CLVS1: variants seen among roughly 807,000 people sequenced by gnomAD.
CLVS1 encodes the protein clavesin-1.
A neutral mutation model predicts 33.1 loss-of-function variants in CLVS1; 10 were observed. The ratio of observed to expected loss-of-function variants is 0.30; its 90% CI spans 0.19 to 0.51. The LOEUF is 0.51. CLVS1 is among the 20% of genes least tolerant of loss of function. The pLI, the probability that CLVS1 is intolerant of heterozygous loss-of-function variation, is 0.97. For synonymous variants in CLVS1, 163 were observed against 166.1 expected, an observed-to-expected ratio of 0.98 and a Z score of 0.14; for missense variants, 343 against 433.4, an observed-to-expected ratio of 0.79 and a Z score of 1.85.
rs1031827071 is a variant in CLVS1, at chr8:61,144,949, T to A, written c.-152+13089T>A. Among the ~76,000 whole-genome samples the A allele has an allele frequency of 3.3e-5, 5 of 152,364 alleles. No homozygotes were observed. In the East Asian group the frequency reaches 5.8e-4, roughly 18 times the overall value. ...TTTCACCATGTTGGTCAGGCAGGTC[T>A]CGAACTCCTGACCTCAGGTGATCCA... On this transcript the variant is annotated intron_variant, in intron 2 of 2. Coordinates refer to the CLVS1 transcript ENST00000522621.
chr8:61,029,040 A>G, the CLVS1 span, among the ~76,000 whole-genome samples: 1 of 152,230 alleles, frequency 6.6e-6, no homozygotes, highest in Admixed American at 6.5e-5. Context: ...TGACTAGGAG[A>G]CAACAATAAA....
chr8:61,230,659 C>T (rs539569628), intron 2 of CLVS1, among the ~76,000 whole-genome samples: 1 of 152,318 alleles, frequency 6.6e-6, no homozygotes, highest in Non-Finnish European at 1.5e-5. Flanking sequence ...TTCCCCCTTT[C>T]CTGCTCATCA....
intron 2 of CLVS1, among the ~76,000 whole-genome samples, chr8:61,235,887 C>T (rs769944814): frequency 5.9e-5 from 9 of 152,290 alleles, no homozygotes; most frequent in South Asian, 4.1e-4. Context: ...TCCTCATCTC[C>T]AAGCTGGGAG....
At chr8:61,398,446 T>G (rs1291451267) in intron 3 of CLVS1, among the ~76,000 whole-genome samples, 10 of 152,200 alleles carry the variant, frequency 6.6e-5, no homozygotes, top group Admixed American at 5.2e-4. Context: ...CCTCCCAAAG[T>G]GCTGGGATTG....
chr8:61,268,393 C>G (rs1809357924), intron 2 of CLVS1, among the ~76,000 whole-genome samples: 1 of 151,210 alleles, frequency 6.6e-6, no homozygotes, highest in Admixed American at 6.6e-5. Flanking sequence ...ATATGTGCCA[C>G]ATTTTCTTAA....
chr8:61,366,772 G>C (rs1813228541), intron 2 of CLVS1, among the ~76,000 whole-genome samples: 2 of 152,202 alleles, frequency 1.3e-5, no homozygotes, highest in South Asian at 4.1e-4. Context: ...GCATTCCTTT[G>C]TTATAAATAG....
intron 2 of CLVS1, among the ~76,000 whole-genome samples, chr8:61,301,505 T>TG (rs766362185): frequency 5.8e-4 from 88 of 152,210 alleles, no homozygotes; most frequent in Non-Finnish European, 9.8e-4. Flanking sequence ...GCAGTTACAA[T>TG]GGAAGTGTAA....
intron 2 of CLVS1, chr8:61,273,836 CG>C (rs1410343347): frequency 6.5e-6 from 1 of 154,270 alleles, no homozygotes; most frequent in African/African-American, 2.4e-5. Flanking sequence ...GGCAATGCCT[CG>C]CCCTGCTTCG....
chr8:61,035,076 C>T, the CLVS1 span, among the ~76,000 whole-genome samples: 1 of 152,026 alleles, frequency 6.6e-6, no homozygotes, highest in Non-Finnish European at 1.5e-5. Context: ...TTTTTGATAT[C>T]CTGAAATTTG....
intron 3 of CLVS1, among the ~76,000 whole-genome samples, chr8:61,426,999 A>G (rs1373663062): frequency 6.6e-6 from 1 of 152,210 alleles, no homozygotes; most frequent in Non-Finnish European, 1.5e-5. Flanking sequence ...GTATCATTTA[A>G]AGTGCTAATT....
intron 1 of CLVS1, among the ~76,000 whole-genome samples, chr8:61,063,981 T>A (rs1804631115): frequency 6.6e-6 from 1 of 152,250 alleles, no homozygotes; most frequent in Non-Finnish European, 1.5e-5. Flanking sequence ...ATACAATATT[T>A]GTCCTTTTGT....
chr8:61,379,635 A>T (rs1437748334), intron 3 of CLVS1, among the ~76,000 whole-genome samples: 1 of 152,194 alleles, frequency 6.6e-6, no homozygotes, highest in Non-Finnish European at 1.5e-5. Context: ...TGGGTTGTTG[A>T]CTACTAATTG....
intron 2 of CLVS1, among the ~76,000 whole-genome samples, chr8:61,169,852 T>C (rs1806957316): frequency 6.6e-6 from 1 of 152,320 alleles, no homozygotes; most frequent in African/African-American, 2.4e-5. Flanking sequence ...ATTTGTCTAT[T>C]GTCAGTTTGT....
chr8:61,150,861 G>A (rs1348216686), intron 2 of CLVS1, among the ~76,000 whole-genome samples: 2 of 152,152 alleles, frequency 1.3e-5, no homozygotes, highest in Non-Finnish European at 1.5e-5. Context: ...CTGGGAGGAT[G>A]AGCATCTAGA....
chr8:61,288,206 T>C (rs971172122), intron 1 of CLVS1, 68 bp downstream of exon 1: 1 of 456,342 alleles, frequency 2.2e-6, no homozygotes, highest in East Asian at 6.9e-5. Context: ...GCTCTTTCGA[T>C]GCCATGGCTG....
At chr8:61,383,050 G>A (rs1246749668) in intron 3 of CLVS1, among the ~76,000 whole-genome samples, 1 of 152,210 alleles carries the variant, frequency 6.6e-6, no homozygotes, top group Non-Finnish European at 1.5e-5. Context: ...TGTGGCTCTA[G>A]TGCACTCATT....
At chr8:61,238,327 C>T (rs1473990141) in intron 2 of CLVS1, among the ~76,000 whole-genome samples, 1 of 151,890 alleles carries the variant, frequency 6.6e-6, no homozygotes, top group Non-Finnish European at 1.5e-5. Context: ...CCTTCCCTCT[C>T]TTTCCCTCCC....
chr8:60,968,343 C>T, the CLVS1 span, among the ~76,000 whole-genome samples: 1 of 152,202 alleles, frequency 6.6e-6, no homozygotes, highest in Admixed American at 6.5e-5. Flanking sequence ...TGGTGAAACC[C>T]TGTCTCTACT....
At chr8:61,314,812 T>C (rs541302282) in intron 2 of CLVS1, among the ~76,000 whole-genome samples, 131 of 152,378 alleles carry the variant, frequency 8.6e-4, no homozygotes, top group African/African-American at 3.0e-3. Flanking sequence ...TTCAACTTGC[T>C]GTTAATGAGC....
Sources: allele counts gnomAD v4.1 joint callset (sites outside exome capture counted in the v4.1 genomes callset), GRCh38; gene constraint gnomAD v4.1.1; transcripts MANE v1.5; gene names NCBI Gene and HGNC (gene_info 2026-07-23, HGNC 2026-07-21).